PITPNC1: variants seen among roughly 807,000 people sequenced by gnomAD.
PITPNC1 encodes the protein cytoplasmic phosphatidylinositol transfer protein 1.
PITPNC1 carries 18 observed loss-of-function variants against 44.7 expected under a neutral mutation model. That is an observed-to-expected ratio of 0.40 (90% CI 0.28 to 0.60). PITPNC1 has a LOEUF of 0.60. Ranked by LOEUF, PITPNC1 falls within the 20% of genes least tolerant of loss-of-function variation. The pLI is 0.39. For missense variants in PITPNC1, 290 were observed against 418.4 expected, an observed-to-expected ratio of 0.69 and a Z score of 2.68; for synonymous variants, 141 against 149.6, an observed-to-expected ratio of 0.94 and a Z score of 0.42.
intron 1 of PITPNC1, among the ~76,000 whole-genome samples, chr17:67,502,414 G>A (rs951232638): frequency 6.6e-6 from 1 of 152,112 alleles, no homozygotes; most frequent in Non-Finnish European, 1.5e-5. Flanking sequence ...GCTTTGGAGA[G>A]TAACAATGCA....
intron 1 of PITPNC1, among the ~76,000 whole-genome samples, chr17:67,413,297 TTAAA>T (rs2038532010): frequency 6.6e-6 from 1 of 152,190 alleles, no homozygotes; most frequent in Admixed American, 6.5e-5. Flanking sequence ...TAAACCTTCT[TTAAA>T]TAAAGCCCCC....
intron 1 of PITPNC1, among the ~76,000 whole-genome samples, chr17:67,526,535 C>T (rs1598780093): frequency 1.3e-5 from 2 of 151,946 alleles, no homozygotes; most frequent in South Asian, 4.1e-4. Flanking sequence ...TCGAGATCAG[C>T]CTGGCCAACC....
intron 1 of PITPNC1, among the ~76,000 whole-genome samples, chr17:67,463,855 C>T: frequency 6.6e-6 from 1 of 151,784 alleles, no homozygotes; most frequent in Admixed American, 6.6e-5. Context: ...TGCAGCACCA[C>T]TGCACTCCAG....
At chr17:67,445,482 T>TAA (rs1252065543) in intron 1 of PITPNC1, among the ~76,000 whole-genome samples, 1 of 152,030 alleles carries the variant, frequency 6.6e-6, no homozygotes, top group African/African-American at 2.4e-5. Flanking sequence ...TGACATGGAG[T>TAA]AAAGGCCAGT....
chr17:67,647,464 G>GTTTTTTTTGTTTTTTTTTTTTTTTTTT (rs2042162118), intron 6 of PITPNC1, among the ~76,000 whole-genome samples: 45 of 72,360 alleles, frequency 6.2e-4, no homozygotes, highest in African/African-American at 1.9e-3. Flanking sequence ...CTAATTTTGG[G>GTTTTTTTTGTTTTTTTTTTTTTTTTTT]TTTTTTTTTT....
At chr17:67,487,775 G>T (rs1029915867) in intron 1 of PITPNC1, among the ~76,000 whole-genome samples, 5 of 152,160 alleles carry the variant, frequency 3.3e-5, no homozygotes, top group Admixed American at 6.5e-5. Context: ...GAGGGTGGGG[G>T]AGCAGGATGT....
At chr17:67,451,415 G>A (rs2039173718) in intron 1 of PITPNC1, among the ~76,000 whole-genome samples, 1 of 152,036 alleles carries the variant, frequency 6.6e-6, no homozygotes, top group Non-Finnish European at 1.5e-5. Flanking sequence ...AAGCTCTTAA[G>A]TTTTAGTAAA....
chr17:67,513,694 G>T (rs1223316921), intron 1 of PITPNC1, among the ~76,000 whole-genome samples: 1 of 151,900 alleles, frequency 6.6e-6, no homozygotes, highest in Non-Finnish European at 1.5e-5. Context: ...GAGTGGTCAC[G>T]TGTGTGTCAG....
At chr17:67,398,909 GC>G (rs2038262420) in intron 1 of PITPNC1, among the ~76,000 whole-genome samples, 1 of 151,712 alleles carries the variant, frequency 6.6e-6, no homozygotes, top group Non-Finnish European at 1.5e-5. Context: ...CACTTATGAA[GC>G]TTTCTCACCT....
intron 1 of PITPNC1, among the ~76,000 whole-genome samples, chr17:67,413,875 A>C (rs185737379): frequency 3.4e-4 from 51 of 152,188 alleles, no homozygotes; most frequent in African/African-American, 1.2e-3. Context: ...ACCAACTTTA[A>C]ATGAATTGGG....
chr17:67,482,724 C>T (rs2039720926), intron 1 of PITPNC1, among the ~76,000 whole-genome samples: 1 of 152,054 alleles, frequency 6.6e-6, no homozygotes, highest in African/African-American at 2.4e-5. Context: ...TTCGGAAGCC[C>T]CATAAGGCGA....
chr17:67,540,661 G>A (rs1375721714), intron 2 of PITPNC1, among the ~76,000 whole-genome samples: 1 of 152,138 alleles, frequency 6.6e-6, no homozygotes, highest in Non-Finnish European at 1.5e-5. Context: ...AAGTAAATTA[G>A]GTGGAGAAAT....
At chr17:67,619,016 G>A (rs146224905) in intron 5 of PITPNC1, among the ~76,000 whole-genome samples, 2 of 151,886 alleles carry the variant, frequency 1.3e-5, no homozygotes, top group African/African-American at 4.8e-5. Context: ...CCGAGATTGC[G>A]CCACTGCACT....
intron 1 of PITPNC1, among the ~76,000 whole-genome samples, chr17:67,477,905 G>C (rs1347594914): frequency 1.3e-5 from 2 of 152,148 alleles, no homozygotes; most frequent in African/African-American, 4.8e-5. Context: ...TTCTGGGTGT[G>C]TCATAATGTA....
At chr17:67,621,095 T>G (rs1028264706) in intron 5 of PITPNC1, among the ~76,000 whole-genome samples, 1 of 152,166 alleles carries the variant, frequency 6.6e-6, no homozygotes, top group South Asian at 2.1e-4. Context: ...GGCCAAATAA[T>G]CATCTTGGAC....
At chr17:67,536,603 A>G (rs559243247) in intron 2 of PITPNC1, among the ~76,000 whole-genome samples, 1 of 152,340 alleles carries the variant, frequency 6.6e-6, no homozygotes, top group Admixed American at 6.5e-5. Context: ...AAAACAATCC[A>G]TAACCTCCAA....
chr17:67,450,558 T>G (rs1182644650), intron 1 of PITPNC1, among the ~76,000 whole-genome samples: 1 of 152,072 alleles, frequency 6.6e-6, no homozygotes, highest in African/African-American at 2.4e-5. Flanking sequence ...CTCGAGTAGC[T>G]GGGACTACAG....
At position 67,395,759 on chromosome 17, in the gene PITPNC1, G is replaced by A. The variant is rs970638847; in HGVS notation, c.48+17557G>A. 9.9e-5 allele frequency among the ~76,000 whole-genome samples: 15 copies of A among 152,234 alleles called. No individual in the cohort carries two copies. The South Asian group carries it at 1.9e-3, about 19-fold the overall frequency. The stretch of plus-strand genomic sequence containing the variant: ...TAAAAACACTGTGAAAATGAGATAG[G>A]TTTAAAGATATAAATGTGATTTTTT... On this transcript the variant is annotated intron_variant, in intron 1 of 8. Coordinates refer to ENST00000581322, the MANE Select transcript of PITPNC1 (RefSeq NM_012417.4).
intron 6 of PITPNC1, among the ~76,000 whole-genome samples, chr17:67,642,596 C>T (rs2042103897): frequency 1.3e-5 from 2 of 152,218 alleles, no homozygotes; most frequent in Non-Finnish European, 2.9e-5. Flanking sequence ...CAATAATTGG[C>T]ATGGCAACTC....
Sources: allele counts gnomAD v4.1 joint callset (sites outside exome capture counted in the v4.1 genomes callset), GRCh38; gene constraint gnomAD v4.1.1; transcripts MANE v1.5; gene names NCBI Gene and HGNC (gene_info 2026-07-23, HGNC 2026-07-21).